ACLY: variants seen among roughly 807,000 people sequenced by gnomAD.
ACLY encodes ATP-citrate synthase.
ACLY carries 41 observed loss-of-function variants against 133.0 expected under a neutral mutation model. That is an observed-to-expected ratio of 0.31 (90% CI 0.24 to 0.40). ACLY has a LOEUF of 0.40. ACLY is among the 10% of genes least tolerant of loss of function. The pLI is 1.00. For synonymous variants in ACLY, 495 were observed against 549.3 expected, an observed-to-expected ratio of 0.90 and a Z score of 1.38; for missense variants, 1,046 against 1,453.8, an observed-to-expected ratio of 0.72 and a Z score of 4.56.
intron 18 of ACLY, 26 bp downstream of exon 18, chr17:41,886,086 C>T: frequency 6.2e-7 from 1 of 1,601,906 alleles, no homozygotes; most frequent in Non-Finnish European, 8.5e-7. Flanking sequence ...AGCAGGAAGC[C>T]CCTCCTTGGC....
chr17:41,922,219 A>G (rs1282346077), upstream of ACLY, among the ~76,000 whole-genome samples: 1 of 151,740 alleles, frequency 6.6e-6, no homozygotes, highest in Non-Finnish European at 1.5e-5. Flanking sequence ...TCTACTAAAA[A>G]TACAAAAAAA....
At chr17:41,898,215 T>A (rs2049428192) in intron 12 of ACLY, among the ~76,000 whole-genome samples, 1 of 152,164 alleles carries the variant, frequency 6.6e-6, no homozygotes, top group Admixed American at 6.5e-5. Flanking sequence ...CAGGTTCAAG[T>A]GATTCTCATG....
At chr17:41,880,544 C>A (rs1466544517) in intron 20 of ACLY, among the ~76,000 whole-genome samples, 1 of 152,110 alleles carries the variant, frequency 6.6e-6, no homozygotes, top group Non-Finnish European at 1.5e-5. Context: ...AACAAAATTT[C>A]TAAAAGGGAG....
chr17:41,916,616 C>A (rs1272353247), intron 1 of ACLY, among the ~76,000 whole-genome samples: 2 of 151,076 alleles, frequency 1.3e-5, no homozygotes, highest in Non-Finnish European at 2.9e-5. Flanking sequence ...ACCTCGTGAT[C>A]CACCCACCTC....
chr17:41,903,455 A>G (rs1391893856), intron 10 of ACLY, among the ~76,000 whole-genome samples: 1 of 152,106 alleles, frequency 6.6e-6, no homozygotes, highest in Non-Finnish European at 1.5e-5. Flanking sequence ...TCATGACAGA[A>G]AGATATAAGA....
chr17:41,868,234 C>A (rs1482970851), intron 28 of ACLY, among the ~76,000 whole-genome samples: 1 of 151,874 alleles, frequency 6.6e-6, no homozygotes, highest in Admixed American at 6.6e-5. Context: ...GTTGGGAGAT[C>A]GAGACCATCC....
At chr17:41,869,007 A>C (rs782566562) in intron 27 of ACLY, 36 bp downstream of exon 27, 89 of 1,556,108 alleles carry the variant, frequency 5.7e-5, no homozygotes, top group Non-Finnish European at 7.0e-5. Context: ...AAAAATCAAC[A>C]AACGTAATGA....
intron 8 of ACLY, 24 bp downstream of exon 8, chr17:41,906,504 C>G: frequency 6.2e-7 from 1 of 1,601,258 alleles, no homozygotes; most frequent in Non-Finnish European, 8.6e-7. Flanking sequence ...GGCTGGCATC[C>G]CTTCAGCAAC....
intron 12 of ACLY, 25 bp from the exon 13 acceptor site, chr17:41,897,864 T>C (rs2049417819): frequency 2.5e-6 from 4 of 1,597,512 alleles, no homozygotes; most frequent in Non-Finnish European, 3.4e-6. Context: ...GGAGAGAGTG[T>C]AAGAGGTAAG....
At chr17:41,913,596 C>T in intron 2 of ACLY, 119 bp downstream of exon 2, 1 of 1,105,330 alleles carries the variant, frequency 9.0e-7, no homozygotes, top group African/African-American at 1.6e-5. Context: ...ATGCTTCCCA[C>T]AGCTGCTGCT....
At chr17:41,911,410 G>C (rs1555633622) in intron 3 of ACLY, among the ~76,000 whole-genome samples, 2 of 152,194 alleles carry the variant, frequency 1.3e-5, no homozygotes, top group African/African-American at 4.8e-5. Flanking sequence ...AGCTCCCCTG[G>C]GGAATAAGAA....
chr17:41,885,389 T>C (rs2049022258), intron 18 of ACLY, among the ~76,000 whole-genome samples: 1 of 152,122 alleles, frequency 6.6e-6, no homozygotes, highest in African/African-American at 2.4e-5. Context: ...ACGAACAAGG[T>C]GACTCTATCT....
Position 41,883,228 on chromosome 17 carries a change from C to A in ACLY, c.2159G>T (p.Gly720Val). 6.2e-7 allele frequency: 1 copy of A among 1,613,642 alleles called. No homozygotes were observed. The highest frequency in any genetic ancestry group is 1.3e-5 in the African/African-American group (1 of 75,044). ...GCAAATCTTATATTCCTCAGTGCCC[C>A]CAATCTGCCAAGGAATGGGGAATGA... The part of the protein sequence containing the change: ...VKMIVVLGEI[G>V]GTEEYKICRG... The change falls in exon 20 of 29, where the codon GGG (glycine) becomes GTG (valine). Residue 720 changes from glycine to valine, a missense_variant. This residue lies in a region of ACLY where 575 missense variants were observed against 804.2 expected (regional missense o/e 0.71). Coordinates refer to ENST00000352035, the MANE Select transcript of ACLY (RefSeq NM_001096.3).
Position 41,905,616 on chromosome 17 carries a change from G to C in ACLY, c.909C>G (p.Asn303Lys). 1 of 1,614,182 alleles carries C rather than the reference G, an allele frequency of 6.2e-7. No homozygotes were observed. The highest frequency in any genetic ancestry group is 8.5e-7 in the Non-Finnish European group (1 of 1,180,036). Reference protein sequence around the residue: ...CDLGGVNELANYGEYSGAPSE... With the variant: ...CDLGGVNELAKYGEYSGAPSE... ...TGGGGGCGCCTGAGTACTCCCCATA[G>C]TTTGCCAGCTCGTTGACACCCCCTA... The change falls in exon 9 of 29, where the codon AAC (asparagine) becomes AAG (lysine). Residue 303 changes from asparagine (N) to lysine (K), a missense_variant. Around this residue, in one of 4 missense-constraint regions of ACLY, gnomAD observed 575 missense variants for 804.2 expected, o/e 0.71. Transcript: ENST00000352035.
intron 11 of ACLY, among the ~76,000 whole-genome samples, chr17:41,900,069 CAAAAAAA>C (rs60296550): frequency 1.7e-4 from 8 of 46,614 alleles, no homozygotes; most frequent in Non-Finnish European, 2.1e-4. Flanking sequence ...ACCCTGTCTC[CAAAAAAA>C]AAAAAAAAAA....
At chr17:41,897,326 A>T (rs890498554) in intron 13 of ACLY, among the ~76,000 whole-genome samples, 1 of 152,128 alleles carries the variant, frequency 6.6e-6, no homozygotes, top group Non-Finnish European at 1.5e-5. Flanking sequence ...TAGGGCCCCA[A>T]GATGGTGGGG....
intron 20 of ACLY, among the ~76,000 whole-genome samples, chr17:41,881,363 C>T (rs574731487): frequency 3.2e-5 from 4 of 126,622 alleles, no homozygotes; most frequent in Non-Finnish European, 4.7e-5. Context: ...GCAGAGGCTG[C>T]GGTGAGCTGA....
intron 4 of ACLY, 151 bp downstream of exon 4, chr17:41,910,071 G>T (rs1555633404): frequency 1.3e-6 from 1 of 764,466 alleles, no homozygotes; most frequent in Admixed American, 2.8e-5. Flanking sequence ...GGACTCCCGA[G>T]TCCGCAGCAC....
chr17:41,917,547 C>G (rs141374113), intron 1 of ACLY, among the ~76,000 whole-genome samples: 1 of 151,970 alleles, frequency 6.6e-6, no homozygotes, highest in African/African-American at 2.4e-5. Flanking sequence ...TGGGACACAG[C>G]CAGGGGAAGG....
Sources: gnomAD v4.1 joint callset for allele counts (sites outside exome capture counted in the v4.1 genomes callset) on GRCh38, gnomAD v4.1.1 for gene constraint, gnomAD v4.1.1 regional missense constraint, MANE v1.5 for transcripts, NCBI Gene and HGNC (gene_info 2026-07-23, HGNC 2026-07-21) for gene names.